Variants in CLK4 observed in about 807,000 individuals in gnomAD.
The protein encoded by CLK4 is CDC like kinase 4.
CLK4 carries 37 observed loss-of-function variants against 64.4 expected under a neutral mutation model. The ratio of observed to expected loss-of-function variants is 0.57; its 90% CI spans 0.44 to 0.76. CLK4 has a LOEUF of 0.76. Among genes scored for constraint, CLK4 ranks in the 30% least tolerant of loss-of-function variants. The probability of loss-of-function intolerance (pLI) is 0.00; values close to 1 mark genes in which losing one functional copy is unlikely to be tolerated. For missense variants in CLK4, 457 were observed against 605.1 expected, an observed-to-expected ratio of 0.76 and a Z score of 2.57; for synonymous variants, 175 against 191.6, an observed-to-expected ratio of 0.91 and a Z score of 0.72.
Position 178,623,244 on chromosome 5 carries a change from G to A in CLK4, c.161+12C>T, listed in dbSNP as rs1285899505. The A allele has an allele frequency of 6.2e-7, 1 of 1,610,566 alleles. No individual in the cohort carries two copies. Among genetic ancestry groups the A allele is most frequent in the African/African-American group, 1.3e-5 (1 of 74,764 alleles). On this transcript the variant is annotated intron_variant, in intron 2 of 12. Coordinates refer to ENST00000316308, the MANE Select transcript of CLK4 (RefSeq NM_020666.3). ...TAGAGCTAAAATGCTAGTAGTTCAA[G>A]AGTTAATTTACCAATCAGATTCTTT...
intron 2 of CLK4, among the ~76,000 whole-genome samples, chr5:178,618,989 T>C (rs1469736808): frequency 6.6e-6 from 1 of 152,188 alleles, no homozygotes; most frequent in Admixed American, 6.5e-5. Flanking sequence ...GAGTTTGCTG[T>C]CAAGCACTTC....
Position 178,618,589 on chromosome 5 carries a change from G to A in CLK4, c.351C>T (p.Arg117=). ...ACTGATGACTTGAACAGTGTCTATTGCGCTTCCTTTTAGGACTGCTTCTCC... is the reference window on the plus strand; with the variant it reads ...ACTGATGACTTGAACAGTGTCTATTACGCTTCCTTTTAGGACTGCTTCTCC... The part of the protein sequence containing the change: ...RSRRSSPKRK[R]NRHCSSHQSR... The change falls in exon 3 of 13, where the codon CGC becomes CGT. Residue 117 remains arginine, a synonymous_variant. Transcript: ENST00000316308. 1 of 1,613,956 alleles carries A rather than the reference G, an allele frequency of 6.2e-7. No individual in the cohort carries two copies.
intron 1 of CLK4, among the ~76,000 whole-genome samples, chr5:178,624,316 T>A (rs1385601956): frequency 1.3e-5 from 2 of 152,224 alleles, no homozygotes; most frequent in South Asian, 2.1e-4. Flanking sequence ...AAAATTTTTT[T>A]AAATGTTTAT....
rs141365967 is a variant in CLK4, at chr5:178,613,482, A to G, written c.817T>C (p.Ser273Pro). 3.2e-6 allele frequency: 5 copies of G among 1,546,408 alleles called. No homozygotes were observed. The highest frequency in any genetic ancestry group is 4.3e-6 in the Non-Finnish European group (5 of 1,152,600). Residue 273 changes from serine (S) to proline (P), a missense_variant, in exon 7 of 13, where the codon TCA becomes CCA. By Grantham distance (74) the Ser-to-Pro change is moderately conservative. Coordinates refer to ENST00000316308, the MANE Select transcript of CLK4 (RefSeq NM_020666.3). ...TATCAAGTGTACTTACAATTTATTG[A>G]CTGGCAGATCTGATACGCCATCTGC... ...IRQMAYQICQ[S>P]INFLHHNKLT... is the part of the protein sequence containing the mutation.
At chr5:178,606,426 G>A (rs565673947) in intron 10 of CLK4, among the ~76,000 whole-genome samples, 1 of 152,246 alleles carries the variant, frequency 6.6e-6, no homozygotes, top group Admixed American at 6.5e-5. Flanking sequence ...AGATTAGACA[G>A]AAACAGAAAT....
chr5:178,623,758 T>G (rs896399150), intron 1 of CLK4, among the ~76,000 whole-genome samples: 6 of 151,920 alleles, frequency 3.9e-5, no homozygotes, highest in Non-Finnish European at 5.9e-5. Flanking sequence ...GGGGGGCAAA[T>G]AAAAAGGTTC....
chr5:178,604,022 GCTCT>G (rs934253268), intron 11 of CLK4, 88 bp from the exon 12 acceptor site: 31 of 953,272 alleles, frequency 3.3e-5, no homozygotes, highest in Middle Eastern at 2.3e-4. Flanking sequence ...ATGGAAAGCA[GCTCT>G]CTCTAAGTGT....
intron 11 of CLK4, 102 bp downstream of exon 11, chr5:178,605,201 C>A: frequency 4.9e-5 from 25 of 507,946 alleles, no homozygotes; most frequent in South Asian, 8.8e-5. Flanking sequence ...AAGTCAAAAT[C>A]TATAGTCCTT....
intron 1 of CLK4, among the ~76,000 whole-genome samples, chr5:178,625,147 G>A (rs1426411058): frequency 2.6e-5 from 4 of 152,146 alleles, no homozygotes; most frequent in Admixed American, 2.0e-4. Context: ...GAGGCAAAAG[G>A]CCAAAACACA....
rs1009553302 is a variant in CLK4 at position 178,625,612 on chromosome 5, G to GT, written c.-1+1333dup. ...TATTATGACCCTCCATTACTATGAA[G>GT]TTTTTTTCAAGACTTATGTATCTTC... On this transcript the variant is annotated intron_variant, in intron 1 of 12. Transcript: ENST00000316308. Among the ~76,000 whole-genome samples, 3 of 152,006 alleles carry GT rather than the reference G, an allele frequency of 2.0e-5. No homozygotes were observed. The East Asian group carries it at 5.8e-4, about 29-fold the overall frequency.
intron 9 of CLK4, among the ~76,000 whole-genome samples, chr5:178,610,675 G>A (rs1417005736): frequency 6.6e-6 from 1 of 152,066 alleles, no homozygotes; most frequent in Non-Finnish European, 1.5e-5. Context: ...CCAGCACTTT[G>A]GGAGGCCAAG....
intron 8 of CLK4, 67 bp downstream of exon 8, chr5:178,612,729 C>T (rs142116327): frequency 7.2e-6 from 8 of 1,107,864 alleles, no homozygotes; most frequent in Non-Finnish European, 1.1e-5. Context: ...AATTCCTCAT[C>T]CAAAGATCAT....
intron 1 of CLK4, among the ~76,000 whole-genome samples, chr5:178,623,763 AG>A (rs1199913065): frequency 6.6e-6 from 1 of 152,150 alleles, no homozygotes; most frequent in Non-Finnish European, 1.5e-5. Flanking sequence ...GCAAATAAAA[AG>A]GTTCAGGCCT....
chr5:178,619,496 C>T (rs1276812921), intron 2 of CLK4, among the ~76,000 whole-genome samples: 1 of 152,142 alleles, frequency 6.6e-6, no homozygotes, highest in Non-Finnish European at 1.5e-5. Context: ...AATATATCCC[C>T]CTAAAATAAG....
At chr5:178,612,690 CA>C (rs1343646418) in intron 8 of CLK4, 105 bp downstream of exon 8, 1 of 1,085,220 alleles carries the variant, frequency 9.2e-7, no homozygotes, top group African/African-American at 1.6e-5. Context: ...TTTGGTTAAA[CA>C]ACAGGATATA....
intron 5 of CLK4, among the ~76,000 whole-genome samples, chr5:178,616,288 G>A (rs1764626187): frequency 6.6e-6 from 1 of 152,060 alleles, no homozygotes; most frequent in Non-Finnish European, 1.5e-5. Context: ...AGTAGAGAAT[G>A]TATTTCTCCA....
intron 9 of CLK4, among the ~76,000 whole-genome samples, chr5:178,608,686 T>C (rs1416538833): frequency 1.3e-5 from 2 of 152,208 alleles, no homozygotes. Flanking sequence ...GTGCATGTTA[T>C]GTAAAATAAA....
chr5:178,613,642 A>T lies in CLK4; in HGVS notation c.660-3T>A. 1 of 1,608,130 alleles carries T rather than the reference A, an allele frequency of 6.2e-7. No homozygotes were observed. The highest frequency in any genetic ancestry group is 1.1e-5 in the South Asian group (1 of 90,078). ...ATTCTAGCATCTGGACACATCGGCTAAAACAGAGCAAAATAATAATTCAGT... is the reference window on the plus strand; with the variant it reads ...ATTCTAGCATCTGGACACATCGGCTTAAACAGAGCAAAATAATAATTCAGT... On this transcript the variant is annotated splice_polypyrimidine_tract_variant and splice_region_variant and intron_variant, in intron 6 of 12. Coordinates refer to ENST00000316308, the MANE Select transcript of CLK4 (RefSeq NM_020666.3).
chr5:178,613,595 A>G lies in CLK4; in HGVS notation c.704T>C (p.Val235Ala). The change falls in exon 7 of 13, where the codon GTT becomes GCT. Residue 235 changes from valine (V) to alanine (A), a missense_variant. Transcript: ENST00000316308. The part of the protein sequence containing the change: ...MLEWFDHHGH[V>A]CIVFELLGLS... ...TCCCAGTAGTTCAAACACAATACAAACATGACCATGATGATCAAACCATTC... is the reference window on the plus strand; with the variant it reads ...TCCCAGTAGTTCAAACACAATACAAGCATGACCATGATGATCAAACCATTC... The G allele has an allele frequency of 6.2e-7, 1 of 1,610,966 alleles. No individual in the cohort carries two copies. The highest frequency in any genetic ancestry group is 8.5e-7 in the Non-Finnish European group (1 of 1,179,212).
Sources: gnomAD v4.1 joint callset for allele counts (sites outside exome capture counted in the v4.1 genomes callset) on GRCh38, gnomAD v4.1.1 for gene constraint, MANE v1.5 for transcripts, NCBI Gene and HGNC (gene_info 2026-07-23, HGNC 2026-07-21) for gene names.